Variants in AGBL4 observed in about 807,000 individuals in gnomAD.
The protein encoded by AGBL4 is AGBL carboxypeptidase 4, also known as cytosolic carboxypeptidase 6.
AGBL4 carries 58 observed loss-of-function variants against 66.4 expected under a neutral mutation model. The observed-to-expected ratio is 0.87, with a 90% CI of 0.71 to 1.09. AGBL4 has a LOEUF of 1.09. Among genes scored for constraint, AGBL4 ranks in the 50% least tolerant of loss-of-function variants. AGBL4 has a pLI of 0.00. For missense variants in AGBL4, 579 were observed against 631.0 expected (o/e 0.92, Z 0.88); for synonymous variants, 234 against 222.9 (o/e 1.05, Z -0.44).
intron 8 of AGBL4, among the ~76,000 whole-genome samples, chr1:48,635,834 C>G (rs1385728443): frequency 6.6e-6 from 1 of 152,236 alleles, no homozygotes; most frequent in East Asian, 1.9e-4. Flanking sequence ...GAGGGGATCA[C>G]TGATGCTCAC....
intron 2 of AGBL4, among the ~76,000 whole-genome samples, chr1:49,824,003 G>T (rs1645439457): frequency 6.6e-6 from 1 of 152,056 alleles, no homozygotes; most frequent in Non-Finnish European, 1.5e-5. Context: ...CTGAAGTTGG[G>T]AGTTCGAGGC....
intron 9 of AGBL4, among the ~76,000 whole-genome samples, chr1:48,598,860 T>C (rs1043493660): frequency 6.6e-6 from 1 of 152,130 alleles, no homozygotes; most frequent in Non-Finnish European, 1.5e-5. Context: ...TATAAACTTT[T>C]AATTTTTTAA....
At chr1:49,507,674 T>C (rs1443219430) in intron 3 of AGBL4, among the ~76,000 whole-genome samples, 6 of 151,942 alleles carry the variant, frequency 3.9e-5, no homozygotes. Context: ...TTTTAAGTTC[T>C]TGCATTAAAT....
intron 3 of AGBL4, among the ~76,000 whole-genome samples, chr1:49,567,019 C>A (rs1416454767): frequency 6.6e-6 from 1 of 152,224 alleles, no homozygotes; most frequent in Non-Finnish European, 1.5e-5. Context: ...CCTCCCCCAG[C>A]CTCACTGCCA....
intron 3 of AGBL4, among the ~76,000 whole-genome samples, chr1:49,379,897 A>G (rs548491964): frequency 2.0e-4 from 31 of 152,224 alleles, no homozygotes; most frequent in East Asian, 1.9e-3. Context: ...GCCTCATAAA[A>G]TGAGTCAGGG....
chr1:49,914,863 G>C (rs1050293451), intron 1 of AGBL4, among the ~76,000 whole-genome samples: 2 of 152,072 alleles, frequency 1.3e-5, no homozygotes, highest in African/African-American at 2.4e-5. Flanking sequence ...AGACAGAAGA[G>C]CAAAAGGGCC....
intron 5 of AGBL4, among the ~76,000 whole-genome samples, chr1:48,901,561 C>G (rs1452947901): frequency 6.6e-6 from 1 of 152,130 alleles, no homozygotes. Flanking sequence ...CCCACTGATG[C>G]ACACAACATG....
chr1:49,770,815 A>C (rs938343864), intron 2 of AGBL4, among the ~76,000 whole-genome samples: 1 of 152,014 alleles, frequency 6.6e-6, no homozygotes, highest in Non-Finnish European at 1.5e-5. Flanking sequence ...GTTCATAGGA[A>C]TCTCTTATGA....
intron 4 of AGBL4, among the ~76,000 whole-genome samples, chr1:49,109,078 A>T (rs774008945): frequency 4.6e-5 from 7 of 152,264 alleles, no homozygotes; most frequent in Non-Finnish European, 8.8e-5. Context: ...TTTTTCAAAA[A>T]ACTTTACCTA....
intron 3 of AGBL4, among the ~76,000 whole-genome samples, chr1:49,348,146 C>T (rs1350189270): frequency 3.3e-5 from 5 of 151,392 alleles, no homozygotes; most frequent in South Asian, 2.1e-4. Context: ...AAGCCAGGCG[C>T]GTTGGCTCAC....
At position 49,465,009 on chromosome 1, in the gene AGBL4, A is replaced by G. The variant is rs377645821; in HGVS notation, c.283-219145T>C. Among the ~76,000 whole-genome samples the G allele has an allele frequency of 3.3e-5, 5 of 151,694 alleles. No homozygotes were observed. In the East Asian group the frequency reaches 7.8e-4, roughly 24 times the overall value. ...CAAACAAATGAATGAATAACAAGTA[A>G]CATGCACTTCCCTCACAAAGAACAC... On this transcript the variant is annotated intron_variant, in intron 3 of 13. Coordinates refer to ENST00000371839, the MANE Select transcript of AGBL4 (RefSeq NM_032785.4).
intron 5 of AGBL4, among the ~76,000 whole-genome samples, chr1:48,898,331 G>A (rs1468016551): frequency 1.3e-5 from 2 of 152,100 alleles, no homozygotes; most frequent in African/African-American, 4.8e-5. Context: ...GTCTGTTTTT[G>A]CTTTGTTGTC....
intron 5 of AGBL4, among the ~76,000 whole-genome samples, chr1:48,953,520 C>T (rs1418803638): frequency 6.6e-6 from 1 of 152,172 alleles, no homozygotes; most frequent in Non-Finnish European, 1.5e-5. Flanking sequence ...GAGTTTTTAA[C>T]TTCTATCTTG....
chr1:49,198,023 G>A (rs1647371689), intron 4 of AGBL4, among the ~76,000 whole-genome samples: 1 of 152,062 alleles, frequency 6.6e-6, no homozygotes, highest in Admixed American at 6.6e-5. Context: ...AAAACATTTG[G>A]TGTGCTTTCT....
At chr1:49,100,308 G>A (rs1225840438) in intron 4 of AGBL4, among the ~76,000 whole-genome samples, 1 of 152,156 alleles carries the variant, frequency 6.6e-6, no homozygotes. Flanking sequence ...ATATGAATCA[G>A]CCGTTGGATG....
Position 49,576,318 on chromosome 1 carries a change from C to T in AGBL4, c.282+120995G>A, listed in dbSNP as rs190979769. On this transcript the variant is annotated intron_variant, in intron 3 of 13. Coordinates refer to ENST00000371839, the MANE Select transcript of AGBL4 (RefSeq NM_032785.4). ...CAACAGGTCCAGGCTGCTGTGCAAG[C>T]TGCTCTGCCACTTGGGCCATATGAC... is the stretch of plus-strand genomic sequence containing the variant. 3.3e-3 allele frequency among the ~76,000 whole-genome samples: 497 copies of T among 152,314 alleles called. 2 individuals are homozygous for T. The highest frequency in any genetic ancestry group is 0.011 in the African/African-American group (469 of 41,570).
chr1:49,870,049 T>G (rs912699602), intron 1 of AGBL4, among the ~76,000 whole-genome samples: 1 of 152,192 alleles, frequency 6.6e-6, no homozygotes, highest in African/African-American at 2.4e-5. Flanking sequence ...ATATTGCATA[T>G]GTGTATCAAA....
intron 3 of AGBL4, among the ~76,000 whole-genome samples, chr1:49,587,315 G>A (rs1644669136): frequency 6.6e-6 from 1 of 151,660 alleles, no homozygotes. Flanking sequence ...GAAGAGAAGA[G>A]AAGAGAAAAG....
chr1:48,979,630 G>GT (rs530251205), intron 5 of AGBL4, among the ~76,000 whole-genome samples: 38 of 151,266 alleles, frequency 2.5e-4, no homozygotes, highest in African/African-American at 4.9e-4. Flanking sequence ...CCACCAAAGT[G>GT]TTTTTTTTTA....
Sources: gnomAD v4.1 joint callset for allele counts (sites outside exome capture counted in the v4.1 genomes callset) on GRCh38, gnomAD v4.1.1 for gene constraint, MANE v1.5 for transcripts, NCBI Gene and HGNC (gene_info 2026-07-23, HGNC 2026-07-21) for gene names.